Variants in ACSM2B observed in about 807,000 individuals in gnomAD.
The protein encoded by ACSM2B is acyl-CoA synthetase medium chain family member 2B.
In ACSM2B, 58 loss-of-function variants were observed where a neutral mutation model predicts 78.6. That is an observed-to-expected ratio of 0.74 (90% CI 0.60 to 0.92). The LOEUF (loss-of-function observed/expected upper bound fraction) is 0.92. Ranked by LOEUF, ACSM2B falls within the 40% of genes least tolerant of loss-of-function variation. The probability of loss-of-function intolerance (pLI) is 0.00; values close to 1 mark genes in which losing one functional copy is unlikely to be tolerated. For synonymous variants in ACSM2B, 257 were observed against 256.8 expected (o/e 1.00, Z -0.01); for missense variants, 688 against 711.2 (o/e 0.97, Z 0.37).
intron 1 of ACSM2B, among the ~76,000 whole-genome samples, chr16:20,566,427 T>C (rs942525031): frequency 5.4e-5 from 7 of 130,770 alleles, no homozygotes; most frequent in South Asian, 4.4e-4. Flanking sequence ...ATGGGTATTA[T>C]ACATTTATAT....
intron 1 of ACSM2B, among the ~76,000 whole-genome samples, chr16:20,575,166 C>T (rs2152156753): frequency 6.6e-6 from 1 of 151,352 alleles, no homozygotes; most frequent in South Asian, 2.1e-4. Context: ...ACCCCAAAAC[C>T]AACAAAAGAA....
Position 20,565,673 on chromosome 16 carries a change from T to C in ACSM2B, c.-8-820A>G, listed in dbSNP as rs2015804004. ...ACTTTAGAAATTACAGCTGTCATAA[T>C]TGTTGTTTCTATATAAGTTCTTTAT... On this transcript the variant is annotated intron_variant, in intron 1 of 13. Coordinates refer to ENST00000329697, the MANE Select transcript of ACSM2B (RefSeq NM_001105069.2). 3.9e-5 allele frequency among the ~76,000 whole-genome samples: 6 copies of C among 152,274 alleles called. 1 individual carries two copies. In the South Asian group the frequency reaches 1.2e-3, roughly 32 times the overall value.
At chr16:20,557,854 G>T (rs1230916602) in intron 3 of ACSM2B, among the ~76,000 whole-genome samples, 2 of 152,144 alleles carry the variant, frequency 1.3e-5, no homozygotes, top group Non-Finnish European at 2.9e-5. Flanking sequence ...AGGGAAATCT[G>T]ACATAGCTGA....
intron 1 of ACSM2B, among the ~76,000 whole-genome samples, chr16:20,566,709 G>GTATATACTATATATAC (rs2015883091): frequency 1.5e-3 from 25 of 16,952 alleles, no homozygotes; most frequent in South Asian, 1.9e-3. Flanking sequence ...TATATATATA[G>GTATATACTATATATAC]TATATATAGT....
chr16:20,574,933 CTTCATTATG>C (rs1383143084), intron 1 of ACSM2B, among the ~76,000 whole-genome samples: 1 of 147,720 alleles, frequency 6.8e-6, no homozygotes, highest in East Asian at 2.0e-4. Context: ...AACCAACCAG[CTTCATTATG>C]TTCCTTAGTT....
rs143870031 is a variant in ACSM2B at position 20,557,477 on chromosome 16, C to T, written c.388+1760G>A. Among the ~76,000 whole-genome samples, 1,072 of 152,284 alleles carry T rather than the reference C, an allele frequency of 7.0e-3. 18 individuals carry two copies. The highest frequency in any genetic ancestry group is 0.025 in the African/African-American group (1,050 of 41,550). ...TCAACCAAACTGAAGCCATCACTAA[C>T]CGTTCACCTCTTATCTGAGATTTCC... is the stretch of plus-strand genomic sequence containing the variant. On this transcript the variant is annotated intron_variant, in intron 3 of 13. Transcript: ENST00000329697.
intron 1 of ACSM2B, among the ~76,000 whole-genome samples, chr16:20,568,271 T>G (rs1289257424): frequency 1.4e-5 from 2 of 144,814 alleles, no homozygotes; most frequent in African/African-American, 2.5e-5. Context: ...ATAGAACATA[T>G]AGTATATATA....
intron 6 of ACSM2B, among the ~76,000 whole-genome samples, chr16:20,551,656 A>C (rs535329531): frequency 6.6e-6 from 1 of 152,224 alleles, no homozygotes; most frequent in African/African-American, 2.4e-5. Flanking sequence ...AGTATCTAAC[A>C]CAGCTAAATT....
chr16:20,567,095 A>G (rs1355890630), intron 1 of ACSM2B, among the ~76,000 whole-genome samples: 1 of 135,434 alleles, frequency 7.4e-6, no homozygotes, highest in African/African-American at 2.7e-5. Flanking sequence ...GATATATATA[A>G]TATCATAATA....
intron 1 of ACSM2B, among the ~76,000 whole-genome samples, chr16:20,566,489 A>AT (rs1348867054): frequency 8.3e-6 from 1 of 120,330 alleles, no homozygotes; most frequent in Non-Finnish European, 1.6e-5. Context: ...ATTATATAAT[A>AT]ATACATATAC....
intron 12 of ACSM2B, chr16:20,541,005 C>T: frequency 2.4e-6 from 1 of 422,398 alleles, no homozygotes. Context: ...AGGCTCACCT[C>T]ATGCTCCAAG....
chr16:20,545,027 T>C (rs1404287675), intron 10 of ACSM2B, 130 bp downstream of exon 10: 16 of 1,273,532 alleles, frequency 1.3e-5, no homozygotes, highest in Non-Finnish European at 1.7e-5. Flanking sequence ...GCATACATTC[T>C]TGAAAACTGG....
chr16:20,537,479 C>T (rs952314748), intron 13 of ACSM2B, 117 bp from the exon 14 acceptor site: 58 of 1,124,856 alleles, frequency 5.2e-5, no homozygotes, highest in South Asian at 1.8e-4. Context: ...TCAGGGTAGC[C>T]GCCCTGTGCA....
intron 2 of ACSM2B, among the ~76,000 whole-genome samples, chr16:20,563,761 T>C (rs991773668): frequency 1.3e-5 from 2 of 151,972 alleles, no homozygotes; most frequent in Non-Finnish European, 2.9e-5. Context: ...TAGGACATCA[T>C]GTCATAATCG....
At chr16:20,574,917 A>T (rs1440083147) in intron 1 of ACSM2B, among the ~76,000 whole-genome samples, 2 of 149,146 alleles carry the variant, frequency 1.3e-5, no homozygotes, top group East Asian at 3.9e-4. Flanking sequence ...CACTGAACTT[A>T]GGAGCAACCA....
intron 12 of ACSM2B, chr16:20,542,120 T>A (rs1281826838): frequency 1.3e-5 from 2 of 151,520 alleles, no homozygotes; most frequent in African/African-American, 4.9e-5. Context: ...AAGTCCTCTC[T>A]TCTAGCTATT....
Position 20,555,387 on chromosome 16 carries a change from CA to C in ACSM2B, c.477del (p.Asp161MetfsTer17), listed in dbSNP as rs1170119359. On this transcript the variant is annotated frameshift_variant, in exon 4 of 14. Transcript: ENST00000329697. LOFTEE classifies it high-confidence loss of function. ...TCCACTTCTTGGATGACTTCATCCC[CA>C]GCAACAATAGCCTTGGCCTTAGACA... ...LQMSKAKAIV[A>X]GDEVIQEVDT... 6.2e-7 allele frequency: 1 copy of C among 1,613,942 alleles called. No individual in the cohort carries two copies. Among genetic ancestry groups the C allele is most frequent in the African/African-American group, 1.3e-5 (1 of 75,038 alleles).
At chr16:20,542,019 G>A (rs1294851875) in intron 12 of ACSM2B, 4 of 152,028 alleles carry the variant, frequency 2.6e-5, no homozygotes, top group Non-Finnish European at 5.9e-5. Context: ...GTGACATTTT[G>A]TTACACGCAA....
At chr16:20,544,826 G>C (rs912175723) in intron 10 of ACSM2B, 58 of 1,015,590 alleles carry the variant, frequency 5.7e-5, no homozygotes, top group Non-Finnish European at 6.8e-5. Context: ...ATGATACCTA[G>C]GGGAGAGGGA....
Sources: allele counts gnomAD v4.1 joint callset (sites outside exome capture counted in the v4.1 genomes callset), GRCh38; gene constraint gnomAD v4.1.1; transcripts MANE v1.5; gene names NCBI Gene and HGNC (gene_info 2026-07-23, HGNC 2026-07-21).